The following VPS13B variants were observed in gnomAD, a reference collection of about 807,000 sequenced individuals.
VPS13B encodes intermembrane lipid transfer protein VPS13B.
VPS13B carries 285 observed loss-of-function variants against 426.4 expected under a neutral mutation model. That is an observed-to-expected ratio of 0.67 (90% CI 0.61 to 0.74). The LOEUF is 0.74. Ranked by LOEUF, VPS13B falls within the 30% of genes least tolerant of loss-of-function variation. The probability of loss-of-function intolerance (pLI) is 0.00; values close to 1 mark genes in which losing one functional copy is unlikely to be tolerated. For missense variants in VPS13B, 4,537 were observed against 4,782.6 expected (o/e 0.95, Z 1.51); for synonymous variants, 1,676 against 1,676.4 (o/e 1.00, Z 0.01).
intron 17 of VPS13B, among the ~76,000 whole-genome samples, chr8:99,267,929 G>T (rs193062888): frequency 4.1e-4 from 63 of 152,080 alleles, no homozygotes; most frequent in African/African-American, 1.4e-3. Flanking sequence ...TGGTTTTGTG[G>T]GCTGGGTGCA....
In VPS13B at chr8:99,778,964, C is replaced by T. The variant is rs145208175; in HGVS notation, c.7712C>T (p.Ser2571Phe). 8.0e-4 allele frequency: 1,298 copies of T among 1,613,930 alleles called. 2 individuals carry two copies. Among genetic ancestry groups the T allele is most frequent in the Admixed American group, 1.7e-3 (103 of 59,998 alleles). The change falls in exon 42 of 62, where the codon TCT becomes TTT. Residue 2571 changes from serine (S) to phenylalanine (F), a missense_variant. This residue lies in a region of VPS13B where 4,311 missense variants were observed against 4,474.3 expected (regional missense o/e 0.96). Coordinates refer to ENST00000357162, the MANE Select transcript of VPS13B (RefSeq NM_152564.5). Reference protein sequence around the residue: ...KLLDCTVIVDSVFVNLGQHVV... With the variant: ...KLLDCTVIVDFVFVNLGQHVV... Reference sequence around the variant, plus strand: ...CTTGACTGCACCGTGATAGTTGATTCTGTATTTGTAAACCTTGGACAGCAT... The same window carrying T: ...CTTGACTGCACCGTGATAGTTGATTTTGTATTTGTAAACCTTGGACAGCAT...
At chr8:99,035,444 T>G (rs1842699598) in intron 2 of VPS13B, among the ~76,000 whole-genome samples, 1 of 152,196 alleles carries the variant, frequency 6.6e-6, no homozygotes, top group South Asian at 2.1e-4. Context: ...GTAACTGGCT[T>G]ATTTTATTTA....
intron 17 of VPS13B, among the ~76,000 whole-genome samples, chr8:99,255,847 G>T (rs1181438732): frequency 1.3e-5 from 2 of 152,144 alleles, no homozygotes; most frequent in Non-Finnish European, 2.9e-5. Context: ...CTGTAAGAGG[G>T]AGGGGCATAG....
intron 25 of VPS13B, among the ~76,000 whole-genome samples, chr8:99,482,066 T>C (rs935681651): frequency 4.1e-4 from 62 of 152,238 alleles, no homozygotes; most frequent in African/African-American, 1.4e-3. Flanking sequence ...TAAAGGTATG[T>C]TTCCTCGGAA....
At chr8:99,208,175 G>C (rs565315073) in intron 17 of VPS13B, among the ~76,000 whole-genome samples, 2 of 152,110 alleles carry the variant, frequency 1.3e-5, no homozygotes, top group African/African-American at 4.8e-5. Flanking sequence ...TTGGGAGGAG[G>C]TGTCATGCAC....
At chr8:99,624,006 T>TATA (rs1828483591) in intron 33 of VPS13B, among the ~76,000 whole-genome samples, 1 of 89,938 alleles carries the variant, frequency 1.1e-5, no homozygotes, top group African/African-American at 4.9e-5. Context: ...TATATATATA[T>TATA]ATTTTTTTTT....
intron 19 of VPS13B, among the ~76,000 whole-genome samples, chr8:99,330,641 TC>T (rs1325537174): frequency 1.3e-5 from 2 of 151,910 alleles, no homozygotes; most frequent in Non-Finnish European, 2.9e-5. Flanking sequence ...AATTTTTTCT[TC>T]CTTCTAAGTT....
chr8:99,027,169 G>A (rs1341189676), intron 2 of VPS13B, among the ~76,000 whole-genome samples: 1 of 152,094 alleles, frequency 6.6e-6, no homozygotes, highest in African/African-American at 2.4e-5. Context: ...GAGCCACTGT[G>A]GCCAGCCAGG....
At chr8:99,062,674 G>C (rs1844254167) in intron 3 of VPS13B, among the ~76,000 whole-genome samples, 1 of 152,076 alleles carries the variant, frequency 6.6e-6, no homozygotes, top group Non-Finnish European at 1.5e-5. Flanking sequence ...CTCCATGTTG[G>C]TCAGGCTGGT....
chr8:99,112,173 C>T (rs1847401460), intron 6 of VPS13B, among the ~76,000 whole-genome samples: 1 of 152,092 alleles, frequency 6.6e-6, no homozygotes, highest in African/African-American at 2.4e-5. Context: ...GTTTGTCTGC[C>T]TATCATTGTA....
chr8:99,670,966 G>A (rs73271349), intron 35 of VPS13B, among the ~76,000 whole-genome samples: 2,540 of 151,858 alleles, frequency 0.017, 64 homozygotes, highest in African/African-American at 0.058. Context: ...ATATCTCTTC[G>A]GCACACTGGT....
intron 23 of VPS13B, among the ~76,000 whole-genome samples, chr8:99,462,193 C>T (rs971878102): frequency 2.9e-5 from 4 of 140,168 alleles, no homozygotes; most frequent in South Asian, 5.3e-4. Context: ...TCCATCTCTT[C>T]CTTTTGTGTA....
intron 17 of VPS13B, among the ~76,000 whole-genome samples, chr8:99,254,872 A>C (rs910586041): frequency 1.3e-5 from 2 of 151,960 alleles, no homozygotes; most frequent in Non-Finnish European, 2.9e-5. Context: ...CAAACTTCTG[A>C]CCTCAGGTGA....
At chr8:99,126,868 C>A (rs146071125) in intron 8 of VPS13B, among the ~76,000 whole-genome samples, 2 of 152,040 alleles carry the variant, frequency 1.3e-5, no homozygotes, top group African/African-American at 2.4e-5. Context: ...CCAAAGCAGG[C>A]GGATCACTTG....
Position 99,467,645 on chromosome 8 carries a change from T to A in VPS13B, c.3666+11T>A, listed in dbSNP as rs758595304. 1.2e-6 allele frequency: 2 copies of A among 1,606,180 alleles called. No homozygotes were observed. Among genetic ancestry groups the A allele is most frequent in the Non-Finnish European group, 1.7e-6 (2 of 1,178,582 alleles). ...TGCTCTAATCCCCAGGTTGGTACAT[T>A]TGATTTATGAAAGGAAATTTAAAGT... On this transcript the variant is annotated intron_variant, in intron 24 of 61. Coordinates refer to ENST00000357162, the MANE Select transcript of VPS13B (RefSeq NM_152564.5).
chr8:99,799,953 C>A (rs1009253882), intron 43 of VPS13B, among the ~76,000 whole-genome samples: 1 of 152,110 alleles, frequency 6.6e-6, no homozygotes, highest in Non-Finnish European at 1.5e-5. Context: ...TTGTTGCTCC[C>A]ATTTCTCAGC....
rs117046980 is a variant in VPS13B at position 99,146,810 on chromosome 8, C to A, written c.1844-1031C>A. ...CTTATCTTGAACTCCTGGGCTCAAA[C>A]AATCCTGCCTTGGCCTCCCAAAGTC... On this transcript the variant is annotated intron_variant, in intron 13 of 61. Transcript: ENST00000357162. Among the ~76,000 whole-genome samples, 106 of 152,240 alleles carry A rather than the reference C, an allele frequency of 7.0e-4. 3 individuals are homozygous for A. In the East Asian group the frequency reaches 0.018, roughly 26 times the overall value.
chr8:99,043,958 C>T (rs1483282984), intron 3 of VPS13B, among the ~76,000 whole-genome samples: 1 of 151,910 alleles, frequency 6.6e-6, no homozygotes, highest in Non-Finnish European at 1.5e-5. Flanking sequence ...TGGCACTTTG[C>T]TATCATTTAA....
At chr8:99,292,880 C>G (rs1271032650) in intron 19 of VPS13B, among the ~76,000 whole-genome samples, 1 of 152,104 alleles carries the variant, frequency 6.6e-6, no homozygotes, top group Non-Finnish European at 1.5e-5. Context: ...ACACACAATG[C>G]AACTAATTAT....
Sources: allele counts gnomAD v4.1 joint callset (sites outside exome capture counted in the v4.1 genomes callset), GRCh38; gene constraint gnomAD v4.1.1; regional missense constraint gnomAD v4.1.1; transcripts MANE v1.5; gene names NCBI Gene and HGNC (gene_info 2026-07-23, HGNC 2026-07-21).